SLC12A9: variants seen among roughly 807,000 people sequenced by gnomAD.
SLC12A9 encodes the protein CCC-interacting protein 1.
A neutral mutation model predicts 66.0 loss-of-function variants in SLC12A9; 55 were observed. That is an observed-to-expected ratio of 0.83 (90% CI 0.67 to 1.04). The LOEUF is 1.04. Ranked by LOEUF, SLC12A9 falls within the 50% of genes least tolerant of loss-of-function variation. The probability of loss-of-function intolerance (pLI) is 0.00; values close to 1 mark genes in which losing one functional copy is unlikely to be tolerated. For synonymous variants in SLC12A9, 577 were observed against 569.0 expected (o/e 1.01, Z -0.20); for missense variants, 1,061 against 1,241.9 (o/e 0.85, Z 2.19).
chr7:100,860,652 C>T (rs1309859258), intron 9 of SLC12A9: 9 of 368,324 alleles, frequency 2.4e-5, no homozygotes, highest in Non-Finnish European at 4.2e-5. Flanking sequence ...TGTGGGAGTG[C>T]ATTGGCCCTT....
intron 1 of SLC12A9, among the ~76,000 whole-genome samples, chr7:100,833,179 G>A (rs930485343): frequency 6.6e-6 from 1 of 151,514 alleles, no homozygotes; most frequent in African/African-American, 2.4e-5. Flanking sequence ...ACTGTGTGAG[G>A]CCAAAAAAAA....
At chr7:100,850,245 CCTTT>C (rs1220253122), upstream of SLC12A9, among the ~76,000 whole-genome samples, 6 of 127,202 alleles carry the variant, frequency 4.7e-5, no homozygotes, top group Non-Finnish European at 8.0e-5. Context: ...TTCCTTCCTT[CCTTT>C]TCTTTCTTTC....
chr7:100,866,440 T>A lies in SLC12A9; in HGVS notation c.2580T>A (p.Asp860Glu). Residue 860 changes from aspartate to glutamate, a missense_variant, in exon 14 of 14, where the codon GAT (aspartate) becomes GAA (glutamate). By Grantham distance (45) the Asp-to-Glu change is conservative. Transcript: ENST00000354161. This position sits in a 1 kb window ranked among gnomAD's most constrained non-coding sequence, Gnocchi z 7.3. The stretch of plus-strand genomic sequence containing the variant: ...GGCCGGGTGGGCCGGAGGGTGGGGA[T>A]GCTGAGGGCCCCATCACAGCCCTCA... The part of the protein sequence containing the change: ...GGGPGGPEGG[D>E]AEGPITALTF... 1.3e-6 allele frequency: 2 copies of A among 1,549,300 alleles called. No individual in the cohort carries two copies. The highest frequency in any genetic ancestry group is 1.7e-6 in the Non-Finnish European group (2 of 1,146,592).
In SLC12A9 at chr7:100,860,042, G is replaced by A; in HGVS notation, c.1135G>A (p.Gly379Ser). ...LHALARDDLF[G>S]VILAPAKVVS... The stretch of plus-strand genomic sequence containing the variant: ...TGCCCTGGCCCGGGATGACCTCTTT[G>A]GTGGGTTCTCTGCCTCCTTGCTGGC... Residue 379 changes from glycine to serine, a missense_variant and splice_region_variant, in exon 8 of 14, where the codon GGC (glycine) becomes AGC (serine). Gly to Ser is a moderately conservative substitution (Grantham distance 56). Coordinates refer to ENST00000354161, the MANE Select transcript of SLC12A9 (RefSeq NM_020246.4). The A allele has an allele frequency of 6.2e-7, 1 of 1,614,106 alleles. No individual in the cohort carries two copies. The highest frequency in any genetic ancestry group is 8.5e-7 in the Non-Finnish European group (1 of 1,180,010).
Position 100,833,932 on chromosome 7 carries a change from CAAAAAAAAAAA to C in SLC12A9, n.228+6904_228+6914del, listed in dbSNP as rs60667059. Among the ~76,000 whole-genome samples the C allele has an allele frequency of 4.2e-3, 268 of 63,064 alleles. 2 individuals carry two copies. Among genetic ancestry groups the C allele is most frequent in the African/African-American group, 0.022 (250 of 11,140 alleles). The allele number at this position is 63,064 out of a possible 152,430, so 41.4% of individuals were successfully genotyped here. ...TCAGGTACAGAGCGAGACTCTGTCT[CAAAAAAAAAAA>C]AAAAAAAAAAAAAAAAAAGAAAGAA... On this transcript the variant is annotated intron_variant and non_coding_transcript_variant, in intron 1 of 1. Coordinates refer to the SLC12A9 transcript ENST00000461016.
chr7:100,829,608 C>T (rs935469290), intron 1 of SLC12A9, among the ~76,000 whole-genome samples: 3 of 152,094 alleles, frequency 2.0e-5, no homozygotes, highest in Admixed American at 6.6e-5. Context: ...CCTCCCTCCC[C>T]GATGCAGGCC....
intron 3 of SLC12A9, among the ~76,000 whole-genome samples, chr7:100,855,024 C>T (rs932912293): frequency 5.9e-5 from 9 of 152,066 alleles, no homozygotes; most frequent in Non-Finnish European, 1.3e-4. Context: ...ATTAGCTGGG[C>T]ATGATGGCAC....
At chr7:100,835,807 G>C (rs1813643750) in intron 1 of SLC12A9, among the ~76,000 whole-genome samples, 1 of 152,256 alleles carries the variant, frequency 6.6e-6, no homozygotes. Flanking sequence ...GAGGCTGAGA[G>C]AAATAGCTAG....
At chr7:100,853,631 G>A (rs1380389587) in intron 1 of SLC12A9, among the ~76,000 whole-genome samples, 2 of 151,830 alleles carry the variant, frequency 1.3e-5, no homozygotes, top group African/African-American at 4.8e-5. Context: ...CATGATCTCG[G>A]CTCGCTGCAG....
At chr7:100,856,198 G>GGTCACA (rs1814376528) in intron 4 of SLC12A9, 1 of 178,494 alleles carries the variant, frequency 5.6e-6, no homozygotes, top group African/African-American at 2.4e-5. Context: ...GTTGGGGCTG[G>GGTCACA]GTCCCTTCTT....
chr7:100,854,103 G>A, intron 1 of SLC12A9, 53 bp from the exon 2 acceptor site: 1 of 1,182,400 alleles, frequency 8.5e-7, no homozygotes, highest in Non-Finnish European at 1.2e-6. Context: ...TGGTCTTTGG[G>A]GGTGGGCGAG....
In SLC12A9 at chr7:100,837,883, C is replaced by G. The variant is rs1813698830; in HGVS notation, n.228+10836C>G. On this transcript the variant is annotated intron_variant and non_coding_transcript_variant, in intron 1 of 1. Transcript: ENST00000461016. ...TTTTTTTTTTTTTTTTTTTTTGAGA[C>G]AGAGTCTTGCTCTGTTGCCCAGGCT... 2.9e-5 allele frequency among the ~76,000 whole-genome samples: 3 copies of G among 101,974 alleles called. No homozygotes were observed. The South Asian group carries it at 9.4e-4, about 32-fold the overall frequency. The allele number at this position is 101,974 out of a possible 152,430, so 66.9% of individuals were successfully genotyped here. A position where few individuals can be genotyped will look rare whatever the true frequency, so the allele number is the denominator to read the frequency against.
At chr7:100,846,841 C>T (rs773653999) in intron 1 of SLC12A9, among the ~76,000 whole-genome samples, 9 of 152,078 alleles carry the variant, frequency 5.9e-5, no homozygotes, top group Admixed American at 3.3e-4. Context: ...GGTGCCACAC[C>T]CTAGGCCTAG....
At position 100,855,700 on chromosome 7, in the gene SLC12A9, T is replaced by C. The variant is rs369877165; in HGVS notation, c.317-6T>C. On this transcript the variant is annotated splice_region_variant and splice_polypyrimidine_tract_variant and intron_variant, in intron 3 of 13. Coordinates refer to ENST00000354161, the MANE Select transcript of SLC12A9 (RefSeq NM_020246.4). ...CCTTAATGCTCACCCCTGCTTCCAC[T>C]TTCAGTCATGATCAGCCGCACACTG... 4.0e-5 allele frequency: 65 copies of C among 1,613,938 alleles called. No homozygotes were observed. Among genetic ancestry groups the C allele is most frequent in the Non-Finnish European group, 5.2e-5 (61 of 1,179,956 alleles).
chr7:100,855,994 A>G (rs1814365608), intron 4 of SLC12A9, 157 bp downstream of exon 4: 2 of 1,159,066 alleles, frequency 1.7e-6, no homozygotes, highest in East Asian at 2.8e-5. Context: ...TGCAGGAGAT[A>G]TGGACATCCC....
chr7:100,842,392 A>C (rs1272071533), intron 1 of SLC12A9, among the ~76,000 whole-genome samples: 1 of 152,138 alleles, frequency 6.6e-6, no homozygotes, highest in African/African-American at 2.4e-5. Flanking sequence ...ACAGCTCTCT[A>C]CTTCAGAAAA....
intron 5 of SLC12A9, 22 bp downstream of exon 5, chr7:100,857,198 C>T: frequency 1.3e-6 from 2 of 1,595,874 alleles, no homozygotes; most frequent in Non-Finnish European, 1.7e-6. Context: ...GCTGCCGTGG[C>T]AGGGATCTCG....
intron 1 of SLC12A9, among the ~76,000 whole-genome samples, chr7:100,844,919 G>A (rs182368774): frequency 1.3e-5 from 2 of 152,146 alleles, no homozygotes; most frequent in Non-Finnish European, 2.9e-5. Context: ...GCAATTAGCC[G>A]AGCGTGCAGC....
chr7:100,834,020 G>GAC (rs1813595068), intron 1 of SLC12A9, among the ~76,000 whole-genome samples: 1 of 148,570 alleles, frequency 6.7e-6, no homozygotes, highest in African/African-American at 2.5e-5. Context: ...TCCAGGATTA[G>GAC]ACAAGTCAGG....
Sources: gnomAD v4.1 joint callset for allele counts (sites outside exome capture counted in the v4.1 genomes callset) on GRCh38, gnomAD v4.1.1 for gene constraint, Gnocchi (gnomAD v3.1) non-coding constraint, MANE v1.5 for transcripts, NCBI Gene and HGNC (gene_info 2026-07-23, HGNC 2026-07-21) for gene names.